The following MXRA7 variants were observed in gnomAD, a reference collection of about 807,000 sequenced individuals.
MXRA7 encodes matrix remodeling associated 7, also known as matrix-remodeling-associated protein 7.
In MXRA7, 18 loss-of-function variants were observed where a neutral mutation model predicts 17.4. The ratio of observed to expected loss-of-function variants is 1.03; its 90% confidence interval spans 0.71 to 1.53. MXRA7 has a LOEUF of 1.53. Ranked by LOEUF, MXRA7 falls within the 40% of genes most tolerant of loss-of-function variation. The pLI is 0.00. For synonymous variants in MXRA7, 70 were observed against 101.7 expected (o/e 0.69, Z 1.87); for missense variants, 141 against 209.3 (o/e 0.67, Z 2.01).
chr17:76,692,239 C>T (rs2076485165), intron 1 of MXRA7, among the ~76,000 whole-genome samples: 1 of 150,764 alleles, frequency 6.6e-6, no homozygotes, highest in Admixed American at 6.6e-5. Flanking sequence ...TTGTACTTGA[C>T]TTTGGAAGTC....
rs375675033 is a variant in MXRA7 at position 76,680,837 on chromosome 17, G to A, written c.*30C>T. ...AGCTTTTAAGATGCCAAAAGGAAAA[G>A]CCTTTAGGAGGACGCTAAGGATAAC... On this transcript the variant is annotated 3_prime_UTR_variant, in exon 4 of 4. Transcript: ENST00000449428. The A allele has an allele frequency of 5.0e-6, 8 of 1,607,540 alleles. No individual in the cohort carries two copies. The South Asian group carries it at 6.7e-5, about 13-fold the overall frequency.
chr17:76,710,510 G>C, intron 1 of MXRA7, 95 bp downstream of exon 1: 2 of 1,057,728 alleles, frequency 1.9e-6, no homozygotes, highest in African/African-American at 3.3e-5. Context: ...GCCTGGGCTG[G>C]AGGCCGCGGC....
In MXRA7 at chr17:76,691,103, C is replaced by T. The variant is rs567677854; in HGVS notation, c.343-2927G>A. Among the ~76,000 whole-genome samples the T allele has an allele frequency of 7.2e-5, 11 of 152,246 alleles. No homozygotes were observed. In the East Asian group the frequency reaches 1.7e-3, roughly 24 times the overall value. ...GAGCTTGGAACTTTCAGCCCCACCA[C>T]CCCCCAGCTTCCTCCAGAGACTGGA... On this transcript the variant is annotated intron_variant, in intron 1 of 3. Coordinates refer to ENST00000449428, the MANE Select transcript of MXRA7 (RefSeq NM_198530.4).
chr17:76,676,218 C>G (rs2076240152), downstream of MXRA7: 2 of 152,242 alleles, frequency 1.3e-5, no homozygotes, highest in Non-Finnish European at 2.9e-5. Flanking sequence ...TGCACACAGG[C>G]TTTTCTTCCC....
In MXRA7 at chr17:76,710,936, G is replaced by C. The variant is rs2076715789; in HGVS notation, c.11C>G (p.Pro4Arg). 8 of 995,960 alleles carry C rather than the reference G, an allele frequency of 8.0e-6. No homozygotes were observed. Among genetic ancestry groups the C allele is most frequent in the Non-Finnish European group, 9.5e-6 (8 of 840,320 alleles). 61.7% of individuals were successfully genotyped at this position (995,960 alleles called of 1,614,324 possible). A position where few individuals can be genotyped will look rare whatever the true frequency, so the allele number is the denominator to read the frequency against. The change falls in exon 1 of 4, where the codon CCG (proline) becomes CGG (arginine). Residue 4 changes from proline (P) to arginine (R), a missense_variant. Pro to Arg is a moderately radical substitution (Grantham distance 103). Coordinates refer to ENST00000449428, the MANE Select transcript of MXRA7 (RefSeq NM_198530.4). MEA[P>R]AELLAALPAL... The stretch of plus-strand genomic sequence containing the variant: ...AGGCAGCGCGGCCAGTAGCTCGGCC[G>C]GCGCCTCCATCGCGCCGCGGCCGCC...
intron 2 of MXRA7, among the ~76,000 whole-genome samples, chr17:76,685,486 G>A (rs1289476226): frequency 6.6e-6 from 1 of 152,224 alleles, no homozygotes. Flanking sequence ...GCTCAGAGGC[G>A]ACAACTCCGG....
chr17:76,696,661 G>A (rs1357632813), intron 1 of MXRA7, among the ~76,000 whole-genome samples: 1 of 152,200 alleles, frequency 6.6e-6, no homozygotes, highest in Non-Finnish European at 1.5e-5. Context: ...AGAAGAGGCA[G>A]GAGGAACTAT....
intron 1 of MXRA7, among the ~76,000 whole-genome samples, chr17:76,707,404 C>G (rs1254780257): frequency 6.7e-6 from 1 of 148,234 alleles, no homozygotes; most frequent in Admixed American, 6.9e-5. Context: ...CTCCTGGGTT[C>G]AAGTGATTCT....
intron 3 of MXRA7, 25 bp from the exon 4 acceptor site, chr17:76,680,904 A>G (rs781719062): frequency 1.3e-6 from 2 of 1,578,276 alleles, no homozygotes; most frequent in African/African-American, 2.7e-5. Context: ...GGGGAGAAAA[A>G]GATAATTTAT....
intron 1 of MXRA7, among the ~76,000 whole-genome samples, chr17:76,696,591 GACAA>G (rs1181148883): frequency 2.0e-5 from 3 of 151,866 alleles, no homozygotes; most frequent in South Asian, 2.1e-4. Flanking sequence ...AATAAACACG[GACAA>G]ACAGAGTGAG....
At chr17:76,684,068 C>A in intron 3 of MXRA7, 1 of 737,708 alleles carries the variant, frequency 1.4e-6, no homozygotes, top group East Asian at 2.6e-5. Context: ...GAAGAGCTTT[C>A]CTGCTGAGGG....
intron 1 of MXRA7, among the ~76,000 whole-genome samples, chr17:76,693,722 C>T (rs1198096811): frequency 6.6e-6 from 1 of 151,988 alleles, no homozygotes; most frequent in Non-Finnish European, 1.5e-5. Context: ...TGGGATGTGC[C>T]TGTAGTCCCA....
intron 1 of MXRA7, among the ~76,000 whole-genome samples, chr17:76,692,548 C>T (rs7207029): frequency 2.0e-5 from 3 of 151,468 alleles, no homozygotes; most frequent in African/African-American, 4.9e-5. Flanking sequence ...CCACCGCGCC[C>T]GGCCTGGAAG....
chr17:76,688,669 C>A (rs1256499411), intron 1 of MXRA7: 3 of 1,238,704 alleles, frequency 2.4e-6, no homozygotes, highest in Admixed American at 4.2e-5. Context: ...TGGAGCCCCA[C>A]CTCTTCAGCC....
chr17:76,688,101 G>C lies in MXRA7; in HGVS notation c.406+12C>G, dbSNP rs2076423862. ...TGTCAGGCCCCCTCATGAGCGCAGA[G>C]GTCCCACTCACCGTCCTCCTCCTCA... On this transcript the variant is annotated intron_variant, in intron 2 of 3. Transcript: ENST00000449428. The C allele has an allele frequency of 6.2e-7, 1 of 1,612,812 alleles. No individual in the cohort carries two copies. Among genetic ancestry groups the C allele is most frequent in the Non-Finnish European group, 8.5e-7 (1 of 1,179,708 alleles).
At chr17:76,683,513 G>T (rs2076338394) in intron 3 of MXRA7, among the ~76,000 whole-genome samples, 1 of 152,206 alleles carries the variant, frequency 6.6e-6, no homozygotes, top group Non-Finnish European at 1.5e-5. Context: ...GCTGCAGGGT[G>T]ACGACATCCA....
At chr17:76,710,563 C>A in intron 1 of MXRA7, 42 bp downstream of exon 1, 1 of 1,243,534 alleles carries the variant, frequency 8.0e-7, no homozygotes, top group South Asian at 2.5e-5. Flanking sequence ...GCAGCCGGAG[C>A]CCCGGGGGTG....
chr17:76,694,891 C>T lies in MXRA7; in HGVS notation c.343-6715G>A, dbSNP rs2076516947. ...TACTTTTTTAAAAAATAACGGGGGCCGGGGGCCTGTAATCCCAGCACTTTG... is the reference window on the plus strand; with the variant it reads ...TACTTTTTTAAAAAATAACGGGGGCTGGGGGCCTGTAATCCCAGCACTTTG... On this transcript the variant is annotated intron_variant, in intron 1 of 3. Transcript: ENST00000449428. Among the ~76,000 whole-genome samples, 7 of 151,502 alleles carry T rather than the reference C, an allele frequency of 4.6e-5. 1 individual carries two copies.
At chr17:76,699,334 T>C (rs984035783) in intron 1 of MXRA7, among the ~76,000 whole-genome samples, 4 of 151,702 alleles carry the variant, frequency 2.6e-5, no homozygotes, top group Non-Finnish European at 1.5e-5. Context: ...TTTGTAGAGA[T>C]TGGGTCTCAC....
Sources: allele counts gnomAD v4.1 joint callset (sites outside exome capture counted in the v4.1 genomes callset), GRCh38; gene constraint gnomAD v4.1.1; transcripts MANE v1.5; gene names NCBI Gene and HGNC (gene_info 2026-07-23, HGNC 2026-07-21).